RGL3: variants seen among roughly 807,000 people sequenced by gnomAD.
RGL3 encodes ral guanine nucleotide dissociation stimulator-like 3.
A neutral mutation model predicts 90.6 loss-of-function variants in RGL3; 85 were observed. The observed-to-expected ratio is 0.94, with a 90% confidence interval of 0.79 to 1.12. The LOEUF (loss-of-function observed/expected upper bound fraction) is 1.12. Among genes scored for constraint, RGL3 ranks in the 50% most tolerant of loss-of-function variants. The pLI is 0.00. For missense variants in RGL3, 1,034 were observed against 939.2 expected (o/e 1.10, Z -1.32); for synonymous variants, 408 against 385.5 (o/e 1.06, Z -0.68).
At chr19:11,404,933 G>A (rs1242558309) in intron 9 of RGL3, among the ~76,000 whole-genome samples, 4 of 152,114 alleles carry the variant, frequency 2.6e-5, no homozygotes, top group Non-Finnish European at 4.4e-5. Flanking sequence ...TTTGCTGAGT[G>A]AATAAATAGG....
intron 2 of RGL3, among the ~76,000 whole-genome samples, chr19:11,417,438 G>A (rs1969023150): frequency 6.7e-6 from 1 of 149,732 alleles, no homozygotes; most frequent in Non-Finnish European, 1.5e-5. Flanking sequence ...AGGATTACAG[G>A]CGTGAACCAC....
Position 11,400,226 on chromosome 19 carries a change from A to G in RGL3, c.1556T>C (p.Ile519Thr). 3 of 1,595,426 alleles carry G rather than the reference A, an allele frequency of 1.9e-6. No homozygotes were observed. In the South Asian group the frequency reaches 3.4e-5, roughly 18 times the overall value. ...CGCACTGAGACGCTTGGTGAGGCTG[A>G]TCCGCCGTCGGATGCGTGGGGAGCT... ...CPSSPRIRRR[I>T]SLTKRLSAKL... The change falls in exon 14 of 19, where the codon ATC becomes ACC. Residue 519 changes from isoleucine (I) to threonine (T), a missense_variant. Ile to Thr is a moderately conservative substitution (Grantham distance 89). Coordinates refer to ENST00000380456, the MANE Select transcript of RGL3 (RefSeq NM_001035223.4).
At chr19:11,414,159 A>ACACACC (rs1432005181) in intron 5 of RGL3, among the ~76,000 whole-genome samples, 1 of 112,682 alleles carries the variant, frequency 8.9e-6, no homozygotes, top group Non-Finnish European at 1.7e-5. Flanking sequence ...ATATATATAT[A>ACACACC]TATATATATA....
At chr19:11,398,920 C>T (rs1232465000) in intron 16 of RGL3, among the ~76,000 whole-genome samples, 3 of 152,100 alleles carry the variant, frequency 2.0e-5, no homozygotes, top group Non-Finnish European at 2.9e-5. Flanking sequence ...CCGCCCACCT[C>T]GGCCTCCCAG....
chr19:11,415,921 T>C lies in RGL3; in HGVS notation c.637+16A>G, dbSNP rs8102129. ...AAGGCCTTCTCAGAACACGACTGGA[T>C]CTGAAAACCCCTCACCTGTCCACAC... On this transcript the variant is annotated intron_variant, in intron 5 of 18. Coordinates refer to ENST00000380456, the MANE Select transcript of RGL3 (RefSeq NM_001035223.4). 1,518 of 1,601,766 alleles carry C rather than the reference T, an allele frequency of 9.5e-4. 12 individuals are homozygous for C. In the African/African-American group the frequency reaches 0.018, roughly 19 times the overall value.
At chr19:11,403,121 G>A (rs1442977545) in intron 9 of RGL3, among the ~76,000 whole-genome samples, 3 of 149,644 alleles carry the variant, frequency 2.0e-5, no homozygotes, top group Admixed American at 6.7e-5. Context: ...TGCAGGCTCC[G>A]CCCCCCGGGG....
rs544867350 is a variant in RGL3, at chr19:11,415,471, A to T, written c.637+466T>A. On this transcript the variant is annotated intron_variant, in intron 5 of 18. Transcript: ENST00000380456. ...TATTAGACACATGCTAATACTTCAG[A>T]CAAAGAATTTGTTTTTTTTTTTAGA... 2.6e-5 allele frequency among the ~76,000 whole-genome samples: 4 copies of T among 152,238 alleles called. No individual in the cohort carries two copies. The South Asian group carries it at 8.3e-4, about 32-fold the overall frequency.
At chr19:11,396,860 G>A (rs1432913656) in intron 18 of RGL3, among the ~76,000 whole-genome samples, 2 of 151,018 alleles carry the variant, frequency 1.3e-5, no homozygotes, top group Non-Finnish European at 3.0e-5. Flanking sequence ...TAGAGACGGG[G>A]TTTCACCACG....
chr19:11,406,133 C>T (rs1196403655), intron 7 of RGL3, among the ~76,000 whole-genome samples: 1 of 151,994 alleles, frequency 6.6e-6, no homozygotes, highest in East Asian at 1.9e-4. Flanking sequence ...CCTCCTCCCT[C>T]GGGCTCCAGC....
At position 11,406,509 on chromosome 19, in the gene RGL3, G is replaced by A. The variant is rs1412965730; in HGVS notation, c.906C>T (p.Thr302=). 6.4e-7 allele frequency: 1 copy of A among 1,554,374 alleles called. No homozygotes were observed. The highest frequency in any genetic ancestry group is 1.9e-5 in the Admixed American group (1 of 51,660). Residue 302 remains threonine (T), a synonymous_variant, in exon 7 of 19, where the codon ACC becomes ACT. Coordinates refer to ENST00000380456, the MANE Select transcript of RGL3 (RefSeq NM_001035223.4). The part of the protein sequence containing the change: ...RATVAQFNTV[T]GCVLGSVLGA... Reference sequence around the variant, plus strand: ...CGAGCACGGAACCCAGCACACAGCCGGTCACGGTGTTGAACTGGGCCACGG... The same window carrying A: ...CGAGCACGGAACCCAGCACACAGCCAGTCACGGTGTTGAACTGGGCCACGG...
chr19:11,418,446 C>T, intron 2 of RGL3: 2 of 578,630 alleles, frequency 3.5e-6, no homozygotes, highest in Non-Finnish European at 6.1e-6. Context: ...CTAGGCTCCT[C>T]TCGGGAACTG....
Position 11,397,459 on chromosome 19 carries a change from AC to A in RGL3, c.1884del (p.Tyr629IlefsTer6). On this transcript the variant is annotated frameshift_variant, in exon 17 of 19. Coordinates refer to ENST00000380456, the MANE Select transcript of RGL3 (RefSeq NM_001035223.4). LOFTEE classifies it high-confidence loss of function. ...RVSIDNDHGN[L>X]YRSILLTSQD... The stretch of plus-strand genomic sequence containing the variant: ...CAGCCCCTCACCAAGATGCTTCGAT[AC>A]AGGTTCCCGTGGTCATTGTCGATGC... 6.2e-7 allele frequency: 1 copy of A among 1,610,084 alleles called. No individual in the cohort carries two copies. Among genetic ancestry groups the A allele is most frequent in the Non-Finnish European group, 8.5e-7 (1 of 1,177,518 alleles).
intron 13 of RGL3, among the ~76,000 whole-genome samples, chr19:11,400,789 G>C (rs1242694554): frequency 6.6e-6 from 1 of 151,420 alleles, no homozygotes; most frequent in Non-Finnish European, 1.5e-5. Context: ...TGGGAGGCGG[G>C]GGCTACAGTG....
Position 11,416,966 on chromosome 19 carries a change from A to G in RGL3, c.241T>C (p.Leu81=), listed in dbSNP as rs369768151. 3.7e-6 allele frequency: 6 copies of G among 1,612,870 alleles called. No individual in the cohort carries two copies. The highest frequency in any genetic ancestry group is 5.1e-6 in the Non-Finnish European group (6 of 1,179,724). Residue 81 remains leucine (L), a synonymous_variant, in exon 3 of 19, where the codon TTG becomes CTG. Transcript: ENST00000380456. ...AARLERLVGE[L]VFGDREQDPS... Reference sequence around the variant, plus strand: ...TCCTGCTCACGGTCTCCAAACACCAACTCTCCCACCAGCCGCTCCAGGCGC... The same window carrying G: ...TCCTGCTCACGGTCTCCAAACACCAGCTCTCCCACCAGCCGCTCCAGGCGC...
rs150416123 is a variant in RGL3 at position 11,411,590 on chromosome 19, A to T, written c.637+4347T>A. On this transcript the variant is annotated intron_variant, in intron 5 of 18. Coordinates refer to ENST00000380456, the MANE Select transcript of RGL3 (RefSeq NM_001035223.4). ...GTGTCCAAAAAAAGGTTCAGGCACA[A>T]ACAGGGGATTTGAATATTTGAATAT... 4.7e-3 allele frequency: 722 copies of T among 152,334 alleles called. 7 individuals carry two copies. The highest frequency in any genetic ancestry group is 0.027 in the Middle Eastern group (8 of 294). 9.4% of individuals were successfully genotyped at this position (152,334 alleles called of 1,614,324 possible).
At chr19:11,404,889 C>A (rs1410916331) in intron 9 of RGL3, among the ~76,000 whole-genome samples, 1 of 152,122 alleles carries the variant, frequency 6.6e-6, no homozygotes, top group African/African-American at 2.4e-5. Flanking sequence ...ATGACTCTGG[C>A]CTTAAGTAAC....
At chr19:11,397,125 G>A in intron 18 of RGL3, 119 bp downstream of exon 18, 1 of 762,008 alleles carries the variant, frequency 1.3e-6, no homozygotes, top group Non-Finnish European at 2.2e-6. Flanking sequence ...CCTACTCTCT[G>A]CCTGAAGCAC....
intron 18 of RGL3, among the ~76,000 whole-genome samples, chr19:11,396,725 T>TA (rs1384944487): frequency 6.7e-6 from 1 of 149,744 alleles, no homozygotes; most frequent in African/African-American, 2.5e-5. Context: ...AGTGCAGTGG[T>TA]ATGATCTCGG....
chr19:11,405,720 G>A (rs1279493292), intron 7 of RGL3, among the ~76,000 whole-genome samples: 2 of 149,180 alleles, frequency 1.3e-5, no homozygotes, highest in Admixed American at 6.8e-5. Context: ...TATTTGGACA[G>A]AGTCTCGCTT....
Sources: gnomAD v4.1 joint callset for allele counts (sites outside exome capture counted in the v4.1 genomes callset) on GRCh38, gnomAD v4.1.1 for gene constraint, MANE v1.5 for transcripts, NCBI Gene and HGNC (gene_info 2026-07-23, HGNC 2026-07-21) for gene names.